The following ZSCAN1 variants were observed in gnomAD, a reference collection of about 807,000 sequenced individuals.
ZSCAN1 encodes zinc finger and SCAN domain containing 1.
In ZSCAN1, 23 loss-of-function variants were observed where a neutral mutation model predicts 23.8. That is an observed-to-expected ratio of 0.97 (90% CI 0.70 to 1.37). ZSCAN1 has a LOEUF of 1.37. Among genes scored for constraint, ZSCAN1 ranks in the 40% most tolerant of loss-of-function variants. The probability of loss-of-function intolerance (pLI) is 0.00; values close to 1 mark genes in which losing one functional copy is unlikely to be tolerated. For synonymous variants in ZSCAN1, 236 were observed against 232.3 expected (o/e 1.02, Z -0.15); for missense variants, 575 against 554.0 (o/e 1.04, Z -0.38).
Position 58,054,042 on chromosome 19 carries a change from C to T in ZSCAN1, c.1218C>T (p.Gly406=). The change falls in exon 6 of 6, where the codon GGC becomes GGT. Residue 406 remains glycine (G), a synonymous_variant. Transcript: ENST00000282326. This position sits in a 1 kb window ranked among gnomAD's most constrained non-coding sequence, Gnocchi z 4.2. Reference sequence around the variant, plus strand: ...ACCAGAAGCTCCACACGGCCCACGGCCACATGTGAATGGCCAGCCTCGGGC... The same window carrying T: ...ACCAGAAGCTCCACACGGCCCACGGTCACATGTGAATGGCCAGCCTCGGGC... The part of the protein sequence containing the change: ...IDHQKLHTAH[G]HM 1 of 1,515,456 alleles carries T rather than the reference C, an allele frequency of 6.6e-7. No homozygotes were observed. Among genetic ancestry groups the T allele is most frequent in the Non-Finnish European group, 8.8e-7 (1 of 1,132,216 alleles). The allele number at this position is 1,515,456 out of a possible 1,614,324, so 93.9% of individuals were successfully genotyped here. A position where few individuals can be genotyped will look rare whatever the true frequency, so the allele number is the denominator to read the frequency against.
In ZSCAN1 at chr19:58,035,955, T is replaced by TC; in HGVS notation, c.-151-13dup. The TC allele has an allele frequency of 6.6e-6, 1 of 152,254 alleles. No individual in the cohort carries two copies. 9.4% of individuals were successfully genotyped at this position (152,254 alleles called of 1,614,324 possible). ...AAGATGTCTTGTTTTGTTTTGTTTT[T>TC]CCATGTTGATGAAGGTCACATGGGA... On this transcript the variant is annotated splice_polypyrimidine_tract_variant and intron_variant, in intron 1 of 5. Coordinates refer to ENST00000282326, the MANE Select transcript of ZSCAN1 (RefSeq NM_182572.4).
intron 4 of ZSCAN1, among the ~76,000 whole-genome samples, chr19:58,043,278 C>T (rs549416209): frequency 6.6e-6 from 1 of 152,342 alleles, no homozygotes; most frequent in African/African-American, 2.4e-5. Flanking sequence ...ACCGTGCATA[C>T]ATCGCAGAGG....
chr19:58,037,929 C>T lies in ZSCAN1; in HGVS notation c.93C>T (p.Pro31=), dbSNP rs752305455. Residue 31 remains proline, a synonymous_variant, in exon 3 of 6, where the codon CCC becomes CCT. Coordinates refer to ENST00000282326, the MANE Select transcript of ZSCAN1 (RefSeq NM_182572.4). ...ACGCAGACCCTGGGCCAGCAAGCCC[C>T]AGGGACACCGAAGCCCAGCGTCTGC... ...EQDADPGPAS[P]RDTEAQRLRF... is the part of the protein sequence containing the mutation. 8 of 1,602,414 alleles carry T rather than the reference C, an allele frequency of 5.0e-6. No individual in the cohort carries two copies. The highest frequency in any genetic ancestry group is 6.8e-6 in the Non-Finnish European group (8 of 1,179,390).
rs562900738 is a variant in ZSCAN1 at position 58,047,890 on chromosome 19, C to T, written c.466-4600C>T. Among the ~76,000 whole-genome samples the T allele has an allele frequency of 6.6e-6, 1 of 152,294 alleles. No individual in the cohort carries two copies. The highest frequency in any genetic ancestry group is 1.5e-5 in the Non-Finnish European group (1 of 68,022). On this transcript the variant is annotated intron_variant, in intron 4 of 5. Transcript: ENST00000282326. This position sits in a 1 kb window ranked among gnomAD's most constrained non-coding sequence, Gnocchi z 4.9. ...GGCAGCATGGTCGGGCTGGCGAGGG[C>T]GTGGGCAGGCAGTGTCCTGTGGCCA...
chr19:58,046,607 A>G lies in ZSCAN1; in HGVS notation c.466-5883A>G, dbSNP rs1599905951. ...GCACTGAATGAAAATAAGGATGGCA[A>G]GGTCAACGTCGACCACCTCATCAAG... is the stretch of plus-strand genomic sequence containing the variant. On this transcript the variant is annotated intron_variant, in intron 4 of 5. Coordinates refer to ENST00000282326, the MANE Select transcript of ZSCAN1 (RefSeq NM_182572.4). 6 of 839,680 alleles carry G rather than the reference A, an allele frequency of 7.1e-6. No homozygotes were observed. The East Asian group carries it at 7.2e-5, about 10-fold the overall frequency. The allele number at this position is 839,680 out of a possible 1,614,324, so 52.0% of individuals were successfully genotyped here.
rs372224557 is a variant in ZSCAN1 at position 58,053,749 on chromosome 19, G to A, written c.925G>A (p.Glu309Lys). The A allele has an allele frequency of 4.0e-5, 65 of 1,613,904 alleles. No homozygotes were observed. The highest frequency in any genetic ancestry group is 5.3e-5 in the African/African-American group (4 of 74,884). Residue 309 changes from glutamate to lysine, a missense_variant, in exon 6 of 6, where the codon GAG becomes AAG. Coordinates refer to ENST00000282326, the MANE Select transcript of ZSCAN1 (RefSeq NM_182572.4). The surrounding 1 kb of genome is among the most constrained non-coding windows in gnomAD (Gnocchi z 5.8). ...MVFTWVTHFI[E>K]HQKTHREEGP... ...CTTCACCTGGGTCACCCACTTCATC[G>A]AGCACCAGAAGACCCATCGCGAGGA...
intron 4 of ZSCAN1, among the ~76,000 whole-genome samples, chr19:58,050,414 C>T (rs1034380339): frequency 5.3e-5 from 8 of 151,876 alleles, no homozygotes; most frequent in East Asian, 1.9e-4. Flanking sequence ...CCAGCCTGGG[C>T]GAAAGAGTGA....
Position 58,045,151 on chromosome 19 carries a change from A to T in ZSCAN1, c.465+4607A>T. ...ATGCTCTGGCGCATCCTCAACTGCCACACCCTGACCCGCCAGGCGCGCAGG... is the reference window on the plus strand; with the variant it reads ...ATGCTCTGGCGCATCCTCAACTGCCTCACCCTGACCCGCCAGGCGCGCAGG... On this transcript the variant is annotated intron_variant, in intron 4 of 5. Transcript: ENST00000282326. The surrounding 1 kb of genome is among the most constrained non-coding windows in gnomAD (Gnocchi z 4.3). 1 of 1,173,616 alleles carries T rather than the reference A, an allele frequency of 8.5e-7. No individual in the cohort carries two copies. Among genetic ancestry groups the T allele is most frequent in the Non-Finnish European group, 1.3e-6 (1 of 782,452 alleles). The allele number at this position is 1,173,616 out of a possible 1,614,324, so 72.7% of individuals were successfully genotyped here. A position where few individuals can be genotyped will look rare whatever the true frequency, so the allele number is the denominator to read the frequency against.
At position 58,037,987 on chromosome 19, in the gene ZSCAN1, G is replaced by A. The variant is rs753830753; in HGVS notation, c.151G>A (p.Gly51Arg). The change falls in exon 3 of 6, where the codon GGG (glycine) becomes AGG (arginine). Residue 51 changes from glycine (G) to arginine (R), a missense_variant. By Grantham distance (125) the Gly-to-Arg change is moderately radical. Coordinates refer to ENST00000282326, the MANE Select transcript of ZSCAN1 (RefSeq NM_182572.4). The part of the protein sequence containing the change: ...FRQFQYHVAS[G>R]PHLALGQLWT... ...GCAGTTCCAGTACCACGTGGCGAGCGGGCCGCACCTCGCGCTGGGCCAGCT... is the reference window on the plus strand; with the variant it reads ...GCAGTTCCAGTACCACGTGGCGAGCAGGCCGCACCTCGCGCTGGGCCAGCT... The A allele has an allele frequency of 9.3e-6, 15 of 1,608,164 alleles. No individual in the cohort carries two copies. The highest frequency in any genetic ancestry group is 3.3e-5 in the Admixed American group (2 of 59,902).
In ZSCAN1 at chr19:58,045,074, C is replaced by G. The variant is rs1314097700; in HGVS notation, c.465+4530C>G. 15 of 1,176,472 alleles carry G rather than the reference C, an allele frequency of 1.3e-5. No individual in the cohort carries two copies. The Admixed American group carries it at 2.6e-4, about 20-fold the overall frequency. 72.9% of individuals were successfully genotyped at this position (1,176,472 alleles called of 1,614,324 possible). Reference sequence around the variant, plus strand: ...AGAGGGTGCTGGGCGAGCTGAGGCACTACTACCATGGCTTCCGCCTGCTAC... The same window carrying G: ...AGAGGGTGCTGGGCGAGCTGAGGCAGTACTACCATGGCTTCCGCCTGCTAC... On this transcript the variant is annotated intron_variant, in intron 4 of 5. Coordinates refer to ENST00000282326, the MANE Select transcript of ZSCAN1 (RefSeq NM_182572.4). This position sits in a 1 kb window ranked among gnomAD's most constrained non-coding sequence, Gnocchi z 4.3.
rs1326937749 is a variant in ZSCAN1 at position 58,034,128 on chromosome 19, C to G, written c.-185C>G. 2.6e-5 allele frequency: 4 copies of G among 151,380 alleles called. No individual in the cohort carries two copies. The highest frequency in any genetic ancestry group is 2.0e-4 in the Admixed American group (3 of 15,184). 9.4% of individuals were successfully genotyped at this position (151,380 alleles called of 1,614,324 possible). On this transcript the variant is annotated 5_prime_UTR_variant, in exon 1 of 6. Transcript: ENST00000282326. Reference sequence around the variant, plus strand: ...TCGCCAGCCCAGGGGTCGCCATGACCGAGTGGCCCAGGCCCGAGCGAAGCC... The same window carrying G: ...TCGCCAGCCCAGGGGTCGCCATGACGGAGTGGCCCAGGCCCGAGCGAAGCC...
At chr19:58,052,946 T>C (rs1428024554) in intron 5 of ZSCAN1, among the ~76,000 whole-genome samples, 4 of 140,008 alleles carry the variant, frequency 2.9e-5, no homozygotes, top group African/African-American at 1.1e-4. Flanking sequence ...TGGGATCTGC[T>C]CCCAAAACAT....
At position 58,034,044 on chromosome 19, in the gene ZSCAN1, G is replaced by A. The variant is rs545904592; in HGVS notation, c.-269G>A. The A allele has an allele frequency of 1.3e-5, 2 of 152,028 alleles. No individual in the cohort carries two copies. The highest frequency in any genetic ancestry group is 2.4e-5 in the African/African-American group (1 of 41,440). The allele number at this position is 152,028 out of a possible 1,614,324, so 9.4% of individuals were successfully genotyped here. A position where few individuals can be genotyped will look rare whatever the true frequency, so the allele number is the denominator to read the frequency against. On this transcript the variant is annotated 5_prime_UTR_variant, in exon 1 of 6. Transcript: ENST00000282326. Reference sequence around the variant, plus strand: ...CCCGGCGTGATCCAGCGGACCAATGGCGGCCGCCCGCGGCGCGCAGGGTGC... The same window carrying A: ...CCCGGCGTGATCCAGCGGACCAATGACGGCCGCCCGCGGCGCGCAGGGTGC...
chr19:58,038,845 A>C (rs929596481), intron 3 of ZSCAN1, among the ~76,000 whole-genome samples: 33 of 152,228 alleles, frequency 2.2e-4, no homozygotes, highest in African/African-American at 6.8e-4. Flanking sequence ...GGACACTGGG[A>C]GGCCAAAAGA....
intron 4 of ZSCAN1, among the ~76,000 whole-genome samples, chr19:58,043,208 C>T (rs955362584): frequency 3.3e-5 from 5 of 152,258 alleles, no homozygotes; most frequent in African/African-American, 1.2e-4. Flanking sequence ...GATCGCTGAG[C>T]GCATACAACC....
chr19:58,047,047 C>A lies in ZSCAN1; in HGVS notation c.466-5443C>A, dbSNP rs1367177736. ...GCGGCTGGGCCAAGGCAGGAAGGTG[C>A]CCCCCTGTGTGTGGCCTCACGTCTC... On this transcript the variant is annotated intron_variant, in intron 4 of 5. Coordinates refer to ENST00000282326, the MANE Select transcript of ZSCAN1 (RefSeq NM_182572.4). The surrounding 1 kb of genome is among the most constrained non-coding windows in gnomAD (Gnocchi z 4.9). 6.6e-6 allele frequency among the ~76,000 whole-genome samples: 1 copy of A among 152,134 alleles called. No individual in the cohort carries two copies. The highest frequency in any genetic ancestry group is 1.9e-4 in the East Asian group (1 of 5,198).
At chr19:58,039,302 C>T (rs2073766692) in intron 3 of ZSCAN1, among the ~76,000 whole-genome samples, 1 of 152,208 alleles carries the variant, frequency 6.6e-6, no homozygotes, top group African/African-American at 2.4e-5. Context: ...ACAGCCATCC[C>T]AGCCCAGAGC....
chr19:58,042,590 A>G (rs534965168), intron 4 of ZSCAN1, among the ~76,000 whole-genome samples: 1 of 152,266 alleles, frequency 6.6e-6, no homozygotes, highest in East Asian at 1.9e-4. Context: ...CTCCTGCACC[A>G]AAACAAAGTT....
At chr19:58,044,690 C>A in intron 4 of ZSCAN1, 1 of 782,612 alleles carries the variant, frequency 1.3e-6, no homozygotes, top group Non-Finnish European at 2.3e-6. Flanking sequence ...GGATCCTGCT[C>A]ATCTCAGCTT....
Sources: gnomAD v4.1 joint callset for allele counts (sites outside exome capture counted in the v4.1 genomes callset) on GRCh38, gnomAD v4.1.1 for gene constraint, Gnocchi (gnomAD v3.1) non-coding constraint, MANE v1.5 for transcripts, NCBI Gene and HGNC (gene_info 2026-07-23, HGNC 2026-07-21) for gene names.